Variants in RPTOR observed in about 807,000 individuals in gnomAD.
The protein encoded by RPTOR is regulatory-associated protein of mTOR.
In RPTOR, 21 loss-of-function variants were observed where a neutral mutation model predicts 169.9. That is an observed-to-expected ratio of 0.12 (90% CI 0.09 to 0.18). The LOEUF is 0.18. Ranked by LOEUF, RPTOR falls within the 10% of genes least tolerant of loss-of-function variation. The probability of loss-of-function intolerance (pLI) is 1.00; values close to 1 mark genes in which losing one functional copy is unlikely to be tolerated. For missense variants in RPTOR, 1,133 were observed against 1,855.9 expected, an observed-to-expected ratio of 0.61 and a Z score of 7.16; for synonymous variants, 732 against 753.2, an observed-to-expected ratio of 0.97 and a Z score of 0.46.
At chr17:80,738,343 G>C (rs138182646) in intron 5 of RPTOR, among the ~76,000 whole-genome samples, 171 of 152,380 alleles carry the variant, frequency 1.1e-3, no homozygotes, top group African/African-American at 4.0e-3. Flanking sequence ...AGCTTTTGCT[G>C]CTTCTCTGTG....
In RPTOR at chr17:80,567,005, CCAT is replaced by C. The variant is rs369981885; in HGVS notation, c.162+21217_162+21219del. 4.3e-4 allele frequency among the ~76,000 whole-genome samples: 65 copies of C among 151,818 alleles called. No individual in the cohort carries two copies. The South Asian group carries it at 7.7e-3, about 18-fold the overall frequency. ...TTTTTTTTTGAGACAGAGTCTCACT[CCAT>C]CACCCAGGCTGGAGTCCAATGGCAT... On this transcript the variant is annotated intron_variant, in intron 1 of 33. Transcript: ENST00000306801.
At chr17:80,858,152 G>C (rs145371526) in intron 13 of RPTOR, 5 of 514,024 alleles carry the variant, frequency 9.7e-6, no homozygotes, top group Middle Eastern at 1.0e-3. Flanking sequence ...CCCCCACACC[G>C]TCCTGTCCCT....
At chr17:80,757,753 G>C (rs1315211597) in intron 6 of RPTOR, among the ~76,000 whole-genome samples, 2 of 151,970 alleles carry the variant, frequency 1.3e-5, no homozygotes, top group Non-Finnish European at 2.9e-5. Flanking sequence ...ACGGTCTTTT[G>C]GGGCCTCTGT....
chr17:80,794,701 C>T (rs2067083588), intron 7 of RPTOR, among the ~76,000 whole-genome samples: 1 of 152,196 alleles, frequency 6.6e-6, no homozygotes, highest in African/African-American at 2.4e-5. Context: ...GTGGTGCATC[C>T]GTATGATGGA....
At chr17:80,745,612 A>G (rs1244943980) in intron 5 of RPTOR, among the ~76,000 whole-genome samples, 2 of 152,254 alleles carry the variant, frequency 1.3e-5, no homozygotes, top group Non-Finnish European at 2.9e-5. Flanking sequence ...AGAGTTGGAT[A>G]AGTAATACAC....
At chr17:80,927,137 C>CT (rs1415677555) in intron 24 of RPTOR, among the ~76,000 whole-genome samples, 3 of 152,260 alleles carry the variant, frequency 2.0e-5, no homozygotes, top group Admixed American at 6.5e-5. Context: ...CACCCAAACT[C>CT]TGAGTGAGCC....
chr17:80,753,774 C>T (rs1009055278), intron 5 of RPTOR, among the ~76,000 whole-genome samples: 1 of 151,914 alleles, frequency 6.6e-6, no homozygotes, highest in Admixed American at 6.6e-5. Flanking sequence ...TTGACAGAGA[C>T]ACAACCAGGC....
At chr17:80,574,943 A>T (rs2064948271) in intron 1 of RPTOR, among the ~76,000 whole-genome samples, 1 of 140,122 alleles carries the variant, frequency 7.1e-6, no homozygotes, top group South Asian at 2.3e-4. Context: ...GGGATTACGG[A>T]TGTGAGCCAC....
At chr17:80,631,608 T>C (rs1325088337) in intron 2 of RPTOR, among the ~76,000 whole-genome samples, 1 of 152,212 alleles carries the variant, frequency 6.6e-6, no homozygotes, top group Admixed American at 6.5e-5. Flanking sequence ...TGTCAGTGAT[T>C]ATTCAGCTTT....
In RPTOR at chr17:80,857,784, C is replaced by G. The variant is rs2067871031; in HGVS notation, c.1399-6C>G. The G allele has an allele frequency of 6.2e-7, 1 of 1,606,348 alleles. No individual in the cohort carries two copies. Among genetic ancestry groups the G allele is most frequent in the Non-Finnish European group, 8.5e-7 (1 of 1,177,918 alleles). Reference sequence around the variant, plus strand: ...CAGGTGCGCTGACGCCCTCCCTCGCCCCCAGGCCTTGTCTGTCGGCATCTT... The same window carrying G: ...CAGGTGCGCTGACGCCCTCCCTCGCGCCCAGGCCTTGTCTGTCGGCATCTT... On this transcript the variant is annotated splice_region_variant and splice_polypyrimidine_tract_variant and intron_variant, in intron 12 of 33. Transcript: ENST00000306801.
At chr17:80,741,119 C>T (rs1598270364) in intron 5 of RPTOR, among the ~76,000 whole-genome samples, 1 of 152,328 alleles carries the variant, frequency 6.6e-6, no homozygotes, top group Non-Finnish European at 1.5e-5. Context: ...AGAAGATAGT[C>T]TGGCAAGGTT....
chr17:80,679,331 TC>T (rs2065881655), intron 3 of RPTOR, among the ~76,000 whole-genome samples: 1 of 152,322 alleles, frequency 6.6e-6, no homozygotes, highest in East Asian at 1.9e-4. Context: ...TAGGCTCACT[TC>T]CTGGAGGGCA....
At chr17:80,814,570 C>T (rs2067304921) in intron 7 of RPTOR, among the ~76,000 whole-genome samples, 1 of 152,080 alleles carries the variant, frequency 6.6e-6, no homozygotes, top group African/African-American at 2.4e-5. Context: ...CGTAGTTTTT[C>T]ATTTAACATT....
rs1015650374 is a variant in RPTOR at position 80,651,803 on chromosome 17, G to A, written c.348+7993G>A. On this transcript the variant is annotated intron_variant, in intron 3 of 33. Transcript: ENST00000306801. The surrounding 1 kb of genome is among the most constrained non-coding windows in gnomAD (Gnocchi z 4.1). ...GAGGCCGAGGCGGGTGGATCGTGAG[G>A]TCAGGAGATCGAGACCATGGTGAAA... Among the ~76,000 whole-genome samples the A allele has an allele frequency of 6.6e-5, 10 of 151,988 alleles. No homozygotes were observed. Among genetic ancestry groups the A allele is most frequent in the African/African-American group, 2.4e-4 (10 of 41,380 alleles).
rs1023727308 is a variant in RPTOR at position 80,742,086 on chromosome 17, C to T, written c.654+11380C>T. Among the ~76,000 whole-genome samples the T allele has an allele frequency of 4.1e-4, 63 of 152,122 alleles. 1 individual carries two copies. The highest frequency in any genetic ancestry group is 1.4e-3 in the African/African-American group (58 of 41,416). On this transcript the variant is annotated intron_variant, in intron 5 of 33. Transcript: ENST00000306801. ...CTGGATTTAACAAAAGCAGTGTCAA[C>T]GCAGGGTGGTGGGCTCTCATGTGAT...
chr17:80,872,874 A>G (rs928196651), intron 13 of RPTOR, among the ~76,000 whole-genome samples: 17 of 152,142 alleles, frequency 1.1e-4, no homozygotes, highest in South Asian at 2.1e-4. Context: ...TCAGGGCCCC[A>G]TGATTGATGG....
chr17:80,893,717 G>T lies in RPTOR; in HGVS notation c.2253G>T (p.Ala751=). 1 of 1,609,284 alleles carries T rather than the reference G, an allele frequency of 6.2e-7. No homozygotes were observed. Among genetic ancestry groups the T allele is most frequent in the Non-Finnish European group, 8.5e-7 (1 of 1,177,700 alleles). ...TTGCGTCTCGGGCAGCTGGTGGCGC[G>T]GTGGCGTTCTCCCCCGGAAACCTCA... The part of the protein sequence containing the change: ...NLSLTEESGG[A]VAFSPGNLST... The change falls in exon 20 of 34, where the codon GCG becomes GCT. Residue 751 remains alanine (A), a synonymous_variant. Coordinates refer to ENST00000306801, the MANE Select transcript of RPTOR (RefSeq NM_020761.3).
chr17:80,915,318 A>G (rs9910171), intron 21 of RPTOR, among the ~76,000 whole-genome samples: 8,404 of 16,128 alleles, frequency 0.52, 2,722 homozygotes, highest in Non-Finnish European at 0.6. Flanking sequence ...AGCAGACGTC[A>G]GGAAAACCAG....
chr17:80,874,631 C>G (rs527376176), intron 13 of RPTOR, among the ~76,000 whole-genome samples: 1 of 152,072 alleles, frequency 6.6e-6, no homozygotes, highest in Non-Finnish European at 1.5e-5. Context: ...CTGCTGAAGT[C>G]GTGAAGAGCA....
Sources: allele counts gnomAD v4.1 joint callset (sites outside exome capture counted in the v4.1 genomes callset), GRCh38; gene constraint gnomAD v4.1.1; non-coding constraint Gnocchi (gnomAD v3.1); transcripts MANE v1.5; gene names NCBI Gene and HGNC (gene_info 2026-07-23, HGNC 2026-07-21).